DCUN1D4: variants seen among roughly 807,000 people sequenced by gnomAD.
DCUN1D4 encodes DCN1-like protein 4.
In DCUN1D4, 22 loss-of-function variants were observed where a neutral mutation model predicts 47.9. That is an observed-to-expected ratio of 0.46 (90% CI 0.33 to 0.66). DCUN1D4 has a LOEUF of 0.66. Among genes scored for constraint, DCUN1D4 ranks in the 30% least tolerant of loss-of-function variants. The pLI is 0.02. For synonymous variants in DCUN1D4, 121 were observed against 112.2 expected (o/e 1.08, Z -0.50); for missense variants, 301 against 340.8 (o/e 0.88, Z 0.92).
intron 3 of DCUN1D4, among the ~76,000 whole-genome samples, chr4:51,866,243 A>G (rs1235452720): frequency 6.6e-6 from 1 of 152,208 alleles, no homozygotes; most frequent in Non-Finnish European, 1.5e-5. Context: ...CATAGTTTTG[A>G]AAGAAGTATT....
At chr4:51,848,518 G>A (rs1423472911) in intron 1 of DCUN1D4, among the ~76,000 whole-genome samples, 3 of 152,170 alleles carry the variant, frequency 2.0e-5, no homozygotes, top group Non-Finnish European at 4.4e-5. Flanking sequence ...AATTTTCTTT[G>A]ATGAATCTGA....
chr4:51,897,468 A>G (rs754815973), intron 7 of DCUN1D4, among the ~76,000 whole-genome samples: 3 of 152,234 alleles, frequency 2.0e-5, no homozygotes, highest in African/African-American at 2.4e-5. Flanking sequence ...TTAAAGATCT[A>G]TAGAGAAAAT....
At chr4:51,901,904 TA>T (rs1183746832) in intron 8 of DCUN1D4, among the ~76,000 whole-genome samples, 1 of 152,224 alleles carries the variant, frequency 6.6e-6, no homozygotes, top group African/African-American at 2.4e-5. Flanking sequence ...TTAGCTAAAA[TA>T]TGCTCTAAGA....
intron 7 of DCUN1D4, 52 bp downstream of exon 7, chr4:51,891,903 C>A: frequency 7.2e-7 from 1 of 1,390,538 alleles, no homozygotes. Flanking sequence ...AGGTGGTTGC[C>A]TCCTTCCTCC....
chr4:51,841,837 C>T (rs1479285037), upstream of DCUN1D4, among the ~76,000 whole-genome samples: 1 of 151,880 alleles, frequency 6.6e-6, no homozygotes, highest in Non-Finnish European at 1.5e-5. Context: ...ACCAAAAAGA[C>T]CGTGCGTTCT....
At chr4:51,912,628 A>G (rs1733870670) in intron 9 of DCUN1D4, among the ~76,000 whole-genome samples, 1 of 152,246 alleles carries the variant, frequency 6.6e-6, no homozygotes. Context: ...TTAAATAGAC[A>G]CATGGCAAAT....
intron 8 of DCUN1D4, among the ~76,000 whole-genome samples, chr4:51,906,874 T>A (rs1732975830): frequency 6.6e-6 from 1 of 152,200 alleles, no homozygotes; most frequent in South Asian, 2.1e-4. Flanking sequence ...CAGCTTAGAA[T>A]CAGCTTCCTA....
At chr4:51,856,165 A>G (rs1185094326) in intron 1 of DCUN1D4, among the ~76,000 whole-genome samples, 2 of 152,202 alleles carry the variant, frequency 1.3e-5, no homozygotes, top group African/African-American at 4.8e-5. Flanking sequence ...TTTTTTGGCA[A>G]TAACATGGTC....
chr4:51,848,292 T>C (rs1268665173), intron 1 of DCUN1D4: 1 of 1,288,890 alleles, frequency 7.8e-7, no homozygotes, highest in Non-Finnish European at 1.0e-6. Flanking sequence ...AAGGAGTGTT[T>C]GTGAATGTGC....
chr4:51,899,088 C>A (rs1007972393), intron 7 of DCUN1D4, among the ~76,000 whole-genome samples, 182 bp from the exon 8 acceptor site: 2 of 152,046 alleles, frequency 1.3e-5, no homozygotes, highest in Admixed American at 1.3e-4. Flanking sequence ...TGGTTATTTG[C>A]TATTCTTTCA....
intron 7 of DCUN1D4, among the ~76,000 whole-genome samples, chr4:51,892,867 A>G (rs561034680): frequency 1.3e-5 from 2 of 152,252 alleles, no homozygotes; most frequent in Non-Finnish European, 2.9e-5. Flanking sequence ...CACTTTAGGA[A>G]TAATAGATCT....
At chr4:51,861,324 G>A (rs1725015083) in intron 1 of DCUN1D4, among the ~76,000 whole-genome samples, 1 of 152,116 alleles carries the variant, frequency 6.6e-6, no homozygotes, top group African/African-American at 2.4e-5. Context: ...TGGGCAGAAT[G>A]TGGGGTTGGA....
chr4:51,857,212 A>T (rs1415605983), intron 1 of DCUN1D4, among the ~76,000 whole-genome samples: 1 of 151,972 alleles, frequency 6.6e-6, no homozygotes, highest in Non-Finnish European at 1.5e-5. Flanking sequence ...ATTTTTTTTG[A>T]CCAAATGAGA....
intron 5 of DCUN1D4, among the ~76,000 whole-genome samples, chr4:51,883,615 A>T (rs1729023199): frequency 6.6e-6 from 1 of 152,248 alleles, no homozygotes; most frequent in Middle Eastern, 3.2e-3. Context: ...AGAAACGAGG[A>T]GTGTAAATAT....
the DCUN1D4 span, among the ~76,000 whole-genome samples, chr4:51,835,032 C>T: frequency 3.3e-5 from 5 of 152,114 alleles, no homozygotes; most frequent in Non-Finnish European, 5.9e-5. Flanking sequence ...AGGAGATTTG[C>T]CTTGGACTCC....
intron 1 of DCUN1D4, among the ~76,000 whole-genome samples, chr4:51,853,780 A>G (rs1217611379): frequency 6.6e-6 from 1 of 152,142 alleles, no homozygotes; most frequent in Non-Finnish European, 1.5e-5. Flanking sequence ...CTTAATTAGG[A>G]AGCTGGGTTT....
intron 1 of DCUN1D4, among the ~76,000 whole-genome samples, chr4:51,850,644 G>A (rs1350623868): frequency 2.0e-5 from 3 of 152,148 alleles, no homozygotes; most frequent in African/African-American, 7.2e-5. Flanking sequence ...TTTCCTTTTA[G>A]TGTAGGGGAG....
At chr4:51,868,105 G>A (rs1165895796) in intron 3 of DCUN1D4, among the ~76,000 whole-genome samples, 1 of 152,234 alleles carries the variant, frequency 6.6e-6, no homozygotes, top group Non-Finnish European at 1.5e-5. Flanking sequence ...CTCTGATAAC[G>A]GACAAAGCAC....
the DCUN1D4 span, among the ~76,000 whole-genome samples, chr4:51,834,813 C>T: frequency 2.0e-5 from 3 of 152,266 alleles, no homozygotes; most frequent in South Asian, 2.1e-4. Flanking sequence ...AAATGACGCA[C>T]GTCTGATCCA....
Sources: gnomAD v4.1 joint callset for allele counts (sites outside exome capture counted in the v4.1 genomes callset) on GRCh38, gnomAD v4.1.1 for gene constraint, MANE v1.5 for transcripts, NCBI Gene and HGNC (gene_info 2026-07-23, HGNC 2026-07-21) for gene names.